The following ATF7IP variants were observed in gnomAD, a reference collection of about 807,000 sequenced individuals.
ATF7IP encodes activating transcription factor 7-interacting protein 1.
Under a neutral mutation model 106.4 loss-of-function variants are expected in ATF7IP, and 23 were observed. The ratio of observed to expected loss-of-function variants is 0.22; its 90% CI spans 0.16 to 0.31. The LOEUF is 0.31. ATF7IP is among the 10% of genes least tolerant of loss of function. The pLI is 1.00. For missense variants in ATF7IP, 1,334 were observed against 1,524.3 expected, an observed-to-expected ratio of 0.88 and a Z score of 2.08; for synonymous variants, 542 against 539.0, an observed-to-expected ratio of 1.01 and a Z score of -0.08.
At chr12:14,491,102 A>G (rs1464322099) in intron 13 of ATF7IP, among the ~76,000 whole-genome samples, 1 of 152,000 alleles carries the variant, frequency 6.6e-6, no homozygotes, top group East Asian at 1.9e-4. Flanking sequence ...TGCCCCTCAC[A>G]CCTCAAGCAC....
At chr12:14,439,825 T>C (rs910487779) in intron 5 of ATF7IP, among the ~76,000 whole-genome samples, 7 of 149,228 alleles carry the variant, frequency 4.7e-5, no homozygotes, top group African/African-American at 1.7e-4. Flanking sequence ...AGAGTGAGAC[T>C]CTGTCTCCAA....
intron 1 of ATF7IP, 187 bp from the exon 2 acceptor site, chr12:14,423,722 T>C (rs1941668607): frequency 1.8e-6 from 1 of 565,150 alleles, no homozygotes; most frequent in Non-Finnish European, 2.8e-6. Context: ...TATGGCCATT[T>C]TTGATTTTGT....
At chr12:14,491,298 C>A (rs142079629) in intron 13 of ATF7IP, among the ~76,000 whole-genome samples, 1 of 152,168 alleles carries the variant, frequency 6.6e-6, no homozygotes, top group Non-Finnish European at 1.5e-5. Context: ...CCAAATAGGT[C>A]CACTAGACGT....
intron 13 of ATF7IP, among the ~76,000 whole-genome samples, chr12:14,483,818 A>C (rs1333043089): frequency 6.6e-6 from 1 of 152,100 alleles, no homozygotes; most frequent in Non-Finnish European, 1.5e-5. Flanking sequence ...GCTTCAGGAC[A>C]AAGGGGAACA....
At chr12:14,484,657 G>T (rs537979691) in intron 13 of ATF7IP, among the ~76,000 whole-genome samples, 3 of 152,160 alleles carry the variant, frequency 2.0e-5, no homozygotes, top group Non-Finnish European at 4.4e-5. Flanking sequence ...CATCTGTTCC[G>T]CTGTCAAGTG....
chr12:14,446,582 G>GT, intron 5 of ATF7IP, among the ~76,000 whole-genome samples: 1 of 152,288 alleles, frequency 6.6e-6, no homozygotes, highest in South Asian at 2.1e-4. Context: ...TCCATATGTA[G>GT]TATTGGCAAG....
intron 1 of ATF7IP, among the ~76,000 whole-genome samples, chr12:14,391,582 A>G (rs553055968): frequency 5.3e-5 from 8 of 152,244 alleles, no homozygotes; most frequent in Non-Finnish European, 1.2e-4. Context: ...AAGAACACCA[A>G]CTTTGAGTCA....
intron 2 of ATF7IP, among the ~76,000 whole-genome samples, chr12:14,427,353 A>C (rs1663919342): frequency 1.4e-5 from 2 of 147,272 alleles, no homozygotes; most frequent in African/African-American, 5.1e-5. Context: ...TAGGGTTTTA[A>C]TGAGTCTAAT....
intron 6 of ATF7IP, among the ~76,000 whole-genome samples, chr12:14,447,868 A>G (rs1943046800): frequency 6.6e-6 from 1 of 152,204 alleles, no homozygotes. Flanking sequence ...TTTTTAAAGT[A>G]TACAATTAAG....
At chr12:14,488,315 T>G (rs894480434) in intron 13 of ATF7IP, among the ~76,000 whole-genome samples, 3 of 152,128 alleles carry the variant, frequency 2.0e-5, no homozygotes, top group Non-Finnish European at 4.4e-5. Flanking sequence ...CACAATAGTC[T>G]ATCTGCAAGC....
In ATF7IP at chr12:14,461,132, T is replaced by C; in HGVS notation, c.2796T>C (p.Ile932=). The C allele has an allele frequency of 6.2e-6, 10 of 1,609,516 alleles. No individual in the cohort carries two copies. The highest frequency in any genetic ancestry group is 8.5e-6 in the Non-Finnish European group (10 of 1,176,760). The part of the protein sequence containing the change: ...AEQNSNTTPR[I]ENQTNKTIDA... ...AGAACAGCAATACCACCCCAAGAAT[T>C]GGTAAGTCACCATGTAGGTTTAATA... Residue 932 remains isoleucine (I), a splice_region_variant and synonymous_variant, in exon 9 of 15, where the codon ATT becomes ATC. Transcript: ENST00000261168.
At chr12:14,409,854 G>GGT (rs970235155) in intron 1 of ATF7IP, among the ~76,000 whole-genome samples, 4 of 152,002 alleles carry the variant, frequency 2.6e-5, no homozygotes, top group African/African-American at 7.2e-5. Context: ...CCAGTAAAGG[G>GGT]GTTTAGGTTA....
In ATF7IP at chr12:14,480,996, GC is replaced by G; in HGVS notation, c.3098-6del. On this transcript the variant is annotated splice_polypyrimidine_tract_variant and splice_region_variant and intron_variant, in intron 12 of 14. Coordinates refer to ENST00000261168, the MANE Select transcript of ATF7IP (RefSeq NM_018179.5). ...TATTCTTAATATCTTTTTCTGCCTTGCATTAGCTCCAACTACCGTGAATGTA... is the reference window on the plus strand; with the variant it reads ...TATTCTTAATATCTTTTTCTGCCTTGATTAGCTCCAACTACCGTGAATGTA... 6.2e-7 allele frequency: 1 copy of G among 1,612,084 alleles called. No individual in the cohort carries two copies. Among genetic ancestry groups the G allele is most frequent in the Non-Finnish European group, 8.5e-7 (1 of 1,179,238 alleles).
chr12:14,411,681 C>G (rs574299452), intron 1 of ATF7IP, among the ~76,000 whole-genome samples: 1 of 151,994 alleles, frequency 6.6e-6, no homozygotes, highest in Non-Finnish European at 1.5e-5. Flanking sequence ...ATACAAGTCT[C>G]GTATTGGGTA....
At chr12:14,432,422 A>AT (rs1447099560) in intron 2 of ATF7IP, among the ~76,000 whole-genome samples, 6 of 152,202 alleles carry the variant, frequency 3.9e-5, no homozygotes, top group Non-Finnish European at 8.8e-5. Context: ...AAGCAAACAA[A>AT]TTTTTATTTC....
At chr12:14,369,127 T>C (rs1178049877) in intron 1 of ATF7IP, 1 of 151,478 alleles carries the variant, frequency 6.6e-6, no homozygotes, top group Non-Finnish European at 1.5e-5. Context: ...TCTTTTTTTT[T>C]TTTTTTTAAT....
chr12:14,411,428 C>T (rs1353479191), intron 1 of ATF7IP, among the ~76,000 whole-genome samples: 1 of 151,952 alleles, frequency 6.6e-6, no homozygotes, highest in Non-Finnish European at 1.5e-5. Flanking sequence ...AGGAGAAAAA[C>T]CTAATGTAGG....
rs1157102436 is a variant in ATF7IP at position 14,478,442 on chromosome 12, T to C, written c.3067T>C (p.Ser1023Pro). The change falls in exon 12 of 15, where the codon TCT becomes CCT. Residue 1023 changes from serine (S) to proline (P), a missense_variant. Coordinates refer to ENST00000261168, the MANE Select transcript of ATF7IP (RefSeq NM_018179.5). ...QPSGVPTSGP[S>P]QTTIHLLPTA... is the part of the protein sequence containing the mutation. ...ATCTGGGGTGCCAACAAGTGGACCA[T>C]CTCAGACCACCATACACTTACTACC... 6.2e-7 allele frequency: 1 copy of C among 1,613,932 alleles called. No individual in the cohort carries two copies. Among genetic ancestry groups the C allele is most frequent in the Admixed American group, 1.7e-5 (1 of 60,000 alleles).
At chr12:14,446,372 T>G (rs1591879333) in intron 5 of ATF7IP, among the ~76,000 whole-genome samples, 1 of 152,196 alleles carries the variant, frequency 6.6e-6, no homozygotes, top group East Asian at 1.9e-4. Context: ...GGTCTCGAAC[T>G]CTTGGCCTTA....
Sources: allele counts gnomAD v4.1 joint callset (sites outside exome capture counted in the v4.1 genomes callset), GRCh38; gene constraint gnomAD v4.1.1; transcripts MANE v1.5; gene names NCBI Gene and HGNC (gene_info 2026-07-23, HGNC 2026-07-21).